PDE4B: variants seen among roughly 807,000 people sequenced by gnomAD.
PDE4B encodes 3',5'-cyclic-AMP phosphodiesterase 4B.
In PDE4B, 20 loss-of-function variants were observed where a neutral mutation model predicts 82.2. That is an observed-to-expected ratio of 0.24 (90% confidence interval 0.17 to 0.35). The LOEUF (loss-of-function observed/expected upper bound fraction) is 0.35, where lower values mean the gene tolerates loss of function less well. PDE4B is among the 10% of genes least tolerant of loss of function. The pLI is 1.00. For synonymous variants in PDE4B, 320 were observed against 318.9 expected, an observed-to-expected ratio of 1.00 and a Z score of -0.04; for missense variants, 655 against 907.2, an observed-to-expected ratio of 0.72 and a Z score of 3.57.
chr1:66,125,640 T>C lies in PDE4B; in HGVS notation c.282-121820T>C, dbSNP rs570293317. 3.7e-4 allele frequency among the ~76,000 whole-genome samples: 57 copies of C among 152,334 alleles called. 3 individuals are homozygous for C. In the South Asian group the frequency reaches 0.012, roughly 32 times the overall value. ...CTATGGTAAAATTGGTTTCCTTATC[T>C]GGGATTTCGCTTAAAGTTGCAGTTT... On this transcript the variant is annotated intron_variant, in intron 3 of 16. Coordinates refer to ENST00000341517, the MANE Select transcript of PDE4B (RefSeq NM_002600.4).
At chr1:65,973,019 C>A (rs1650225530) in intron 3 of PDE4B, among the ~76,000 whole-genome samples, 1 of 152,130 alleles carries the variant, frequency 6.6e-6, no homozygotes, top group Non-Finnish European at 1.5e-5. Flanking sequence ...GGCTGCAAAT[C>A]TATCCATTCT....
chr1:65,868,092 T>C (rs1646532327), intron 1 of PDE4B, among the ~76,000 whole-genome samples: 1 of 152,206 alleles, frequency 6.6e-6, no homozygotes, highest in Non-Finnish European at 1.5e-5. Context: ...TTTGCTCTCA[T>C]TGCTAACTTT....
At chr1:65,887,260 T>TTTCTTTCC (rs1161893787) in intron 1 of PDE4B, among the ~76,000 whole-genome samples, 5 of 9,688 alleles carry the variant, frequency 5.2e-4, no homozygotes, top group East Asian at 1.6e-3. Context: ...TCTTTCTTTC[T>TTTCTTTCC]TTCCTTCCTT....
chr1:66,209,353 T>A (rs1332567663), intron 3 of PDE4B, among the ~76,000 whole-genome samples: 1 of 152,210 alleles, frequency 6.6e-6, no homozygotes, highest in Non-Finnish European at 1.5e-5. Context: ...AGGATACCAA[T>A]TTTCTATATC....
intron 3 of PDE4B, among the ~76,000 whole-genome samples, chr1:66,053,739 A>T (rs1014362719): frequency 5.3e-5 from 8 of 152,108 alleles, no homozygotes; most frequent in African/African-American, 1.9e-4. Flanking sequence ...GGTGCCTGTA[A>T]TCCCAGCTAC....
intron 8 of PDE4B, among the ~76,000 whole-genome samples, chr1:66,335,387 G>A (rs772528164): frequency 1.3e-5 from 2 of 151,588 alleles, no homozygotes; most frequent in Non-Finnish European, 2.9e-5. Context: ...ACATGCAACT[G>A]GTAGAGAGTT....
rs145230451 is a variant in PDE4B, at chr1:65,822,451, A to T, written c.-71+29203A>T. Among the ~76,000 whole-genome samples, 722 of 152,288 alleles carry T rather than the reference A, an allele frequency of 4.7e-3. 3 individuals carry two copies. Among genetic ancestry groups the T allele is most frequent in the Non-Finnish European group, 8.0e-3 (542 of 68,020 alleles). ...AAAGTGGTTGTATCAATTTACTCCA[A>T]CAGTCATGTATGAGAATTTGTGGTG... is the stretch of plus-strand genomic sequence containing the variant. On this transcript the variant is annotated intron_variant, in intron 1 of 16. Transcript: ENST00000341517.
intron 3 of PDE4B, among the ~76,000 whole-genome samples, chr1:66,028,593 C>G (rs1653585567): frequency 6.6e-6 from 1 of 152,148 alleles, no homozygotes; most frequent in African/African-American, 2.4e-5. Context: ...AACTTTTATG[C>G]TCTGCTTCCC....
At chr1:65,954,738 C>G (rs1304554079) in intron 3 of PDE4B, among the ~76,000 whole-genome samples, 1 of 152,042 alleles carries the variant, frequency 6.6e-6, no homozygotes, top group Admixed American at 6.6e-5. Flanking sequence ...ACATTTGATA[C>G]TATTTCTAAA....
chr1:66,104,715 T>C (rs1330804083), intron 3 of PDE4B, among the ~76,000 whole-genome samples: 1 of 149,032 alleles, frequency 6.7e-6, no homozygotes, highest in Non-Finnish European at 1.5e-5. Context: ...TTTCATGTGT[T>C]TTTTGGCTGC....
chr1:66,254,582 C>T (rs913145070), intron 4 of PDE4B, among the ~76,000 whole-genome samples: 6 of 152,224 alleles, frequency 3.9e-5, no homozygotes, highest in South Asian at 4.2e-4. Context: ...GATGTCTCCA[C>T]CCGGATACAA....
chr1:66,305,406 T>A (rs116036705), intron 7 of PDE4B, among the ~76,000 whole-genome samples: 5,138 of 152,248 alleles, frequency 0.034, 98 homozygotes, highest in Middle Eastern at 0.068. Context: ...GGATGCCTAG[T>A]TAAATTTGAA....
At chr1:66,163,402 C>A (rs1235139127) in intron 3 of PDE4B, among the ~76,000 whole-genome samples, 1 of 152,090 alleles carries the variant, frequency 6.6e-6, no homozygotes, top group African/African-American at 2.4e-5. Flanking sequence ...TGTGAAAACA[C>A]TTTAGGAACT....
intron 3 of PDE4B, among the ~76,000 whole-genome samples, chr1:66,104,986 T>C (rs1490352349): frequency 6.6e-6 from 1 of 151,924 alleles, no homozygotes; most frequent in East Asian, 1.9e-4. Flanking sequence ...GCCATTGCTT[T>C]TGGTGTTTTA....
chr1:65,842,629 T>C (rs1444652306), intron 1 of PDE4B, among the ~76,000 whole-genome samples: 1 of 152,134 alleles, frequency 6.6e-6, no homozygotes, highest in Non-Finnish European at 1.5e-5. Flanking sequence ...AAGATGGTAC[T>C]TAGCACTTGG....
At chr1:65,978,921 T>C in intron 3 of PDE4B, among the ~76,000 whole-genome samples, 1 of 152,226 alleles carries the variant, frequency 6.6e-6, no homozygotes, top group East Asian at 1.9e-4. Flanking sequence ...ATTACTGCTT[T>C]ATTTATCCCC....
At chr1:66,152,491 C>A in intron 3 of PDE4B, 1 of 320,298 alleles carries the variant, frequency 3.1e-6, no homozygotes, top group South Asian at 2.6e-5. Context: ...GCATTGGAAG[C>A]CAGTATCAGT....
Position 65,841,544 on chromosome 1 carries a change from A to G in PDE4B, c.-71+48296A>G, listed in dbSNP as rs952908426. On this transcript the variant is annotated intron_variant, in intron 1 of 16. Coordinates refer to ENST00000341517, the MANE Select transcript of PDE4B (RefSeq NM_002600.4). ...TCTCCATCTTTAACATGAGGGCCAAAAACGGGTTATGAACCAGAAGTCGCA... is the reference window on the plus strand; with the variant it reads ...TCTCCATCTTTAACATGAGGGCCAAGAACGGGTTATGAACCAGAAGTCGCA... Among the ~76,000 whole-genome samples, 4 of 152,122 alleles carry G rather than the reference A, an allele frequency of 2.6e-5. No individual in the cohort carries two copies. In the South Asian group the frequency reaches 8.3e-4, roughly 32 times the overall value.
intron 3 of PDE4B, among the ~76,000 whole-genome samples, chr1:65,984,428 G>T (rs1650849702): frequency 6.6e-6 from 1 of 152,256 alleles, no homozygotes; most frequent in East Asian, 1.9e-4. Flanking sequence ...ATATCTATGT[G>T]TGTCAACTTT....
Sources: allele counts gnomAD v4.1 joint callset (sites outside exome capture counted in the v4.1 genomes callset), GRCh38; gene constraint gnomAD v4.1.1; transcripts MANE v1.5; gene names NCBI Gene and HGNC (gene_info 2026-07-23, HGNC 2026-07-21).